Variants in EPHA6 observed in about 807,000 individuals in gnomAD.
The protein encoded by EPHA6 is ephrin type-A receptor 6.
A neutral mutation model predicts 112.0 loss-of-function variants in EPHA6; 50 were observed. The observed-to-expected ratio is 0.45, with a 90% confidence interval of 0.36 to 0.56. The LOEUF is 0.56. Ranked by LOEUF, EPHA6 falls within the 20% of genes least tolerant of loss-of-function variation. The pLI is 0.00. For missense variants in EPHA6, 1,280 were observed against 1,417.4 expected, an observed-to-expected ratio of 0.90 and a Z score of 1.56; for synonymous variants, 529 against 490.7, an observed-to-expected ratio of 1.08 and a Z score of -1.03.
chr3:97,509,178 C>T (rs1301337481), intron 10 of EPHA6, among the ~76,000 whole-genome samples: 1 of 151,250 alleles, frequency 6.6e-6, no homozygotes, highest in Admixed American at 6.6e-5. Context: ...GCATTTAGAC[C>T]ATTTACATTT....
rs935196971 is a variant in EPHA6, at chr3:97,129,856, G to A, written c.1115-96408G>A. On this transcript the variant is annotated intron_variant, in intron 3 of 17. Coordinates refer to ENST00000389672, the MANE Select transcript of EPHA6 (RefSeq NM_001080448.3). Reference sequence around the variant, plus strand: ...GTCAGGGTGATCAGACATTACCTGAGAGATAGTGAGAGATGAGGGATTTGG... The same window carrying A: ...GTCAGGGTGATCAGACATTACCTGAAAGATAGTGAGAGATGAGGGATTTGG... Among the ~76,000 whole-genome samples, 3 of 152,166 alleles carry A rather than the reference G, an allele frequency of 2.0e-5. No homozygotes were observed. In the East Asian group the frequency reaches 5.8e-4, roughly 29 times the overall value.
In EPHA6 at chr3:97,382,288, T is replaced by G. The variant is rs113709387; in HGVS notation, c.1607-22862T>G. 5.5e-3 allele frequency among the ~76,000 whole-genome samples: 838 copies of G among 152,158 alleles called. 11 individuals carry two copies. Among genetic ancestry groups the G allele is most frequent in the African/African-American group, 0.019 (807 of 41,566 alleles). ...ATTCTCTACTAAAAGAAAAGCCTCT[T>G]ATGGTCTTGTTTGACAGAGGATGAC... On this transcript the variant is annotated intron_variant, in intron 5 of 17. Coordinates refer to ENST00000389672, the MANE Select transcript of EPHA6 (RefSeq NM_001080448.3).
At position 97,012,652 on chromosome 3, in the gene EPHA6, G is replaced by T. The variant is rs565732013; in HGVS notation, c.1114+24659G>T. Among the ~76,000 whole-genome samples the T allele has an allele frequency of 4.5e-3, 641 of 142,436 alleles. 6 individuals carry two copies. The highest frequency in any genetic ancestry group is 0.016 in the African/African-American group (617 of 38,130). 93.4% of individuals were successfully genotyped at this position (142,436 alleles called of 152,430 possible). On this transcript the variant is annotated intron_variant, in intron 3 of 17. Coordinates refer to ENST00000389672, the MANE Select transcript of EPHA6 (RefSeq NM_001080448.3). ...TTTTTTTTTTTTTTAAAGAAACTGG[G>T]TTTTGTCTTGTTGCCCAGGCTTGTC...
At chr3:97,586,724 GGATA>G (rs762374344) in intron 11 of EPHA6, among the ~76,000 whole-genome samples, 2 of 117,178 alleles carry the variant, frequency 1.7e-5, no homozygotes, top group Non-Finnish European at 3.3e-5. Context: ...ATGGATGGAT[GGATA>G]GACAGACAGA....
At chr3:97,657,121 G>A (rs539390705) in intron 14 of EPHA6, among the ~76,000 whole-genome samples, 2 of 151,920 alleles carry the variant, frequency 1.3e-5, no homozygotes, top group East Asian at 3.9e-4. Flanking sequence ...TCTTTTAGTA[G>A]TCCAAATGTT....
Position 97,751,283 on chromosome 3 carries a change from C to A in EPHA6, c.*2582C>A, listed in dbSNP as rs2035894516. 6.6e-6 allele frequency among the ~76,000 whole-genome samples: 1 copy of A among 152,008 alleles called. No homozygotes were observed. The highest frequency in any genetic ancestry group is 6.5e-5 in the Admixed American group (1 of 15,270). ...CTTTCTTTTAAAATGTCTGATGATC[C>A]TATTCTACATCTGGTTAATTTGTAC... On this transcript the variant is annotated 3_prime_UTR_variant, in exon 18 of 18. Coordinates refer to ENST00000389672, the MANE Select transcript of EPHA6 (RefSeq NM_001080448.3).
intron 10 of EPHA6, among the ~76,000 whole-genome samples, chr3:97,501,466 T>C (rs2092114890): frequency 6.6e-6 from 1 of 152,000 alleles, no homozygotes; most frequent in Non-Finnish European, 1.5e-5. Flanking sequence ...ATAGAATACA[T>C]TTCTAAACAA....
intron 8 of EPHA6, 91 bp from the exon 9 acceptor site, chr3:97,479,202 AT>A (rs1247791739): frequency 3.7e-5 from 26 of 698,668 alleles, no homozygotes; most frequent in Non-Finnish European, 5.3e-5. Flanking sequence ...ATGACAAGAA[AT>A]TTGTTCATAG....
At chr3:97,494,392 T>A (rs914795011) in intron 10 of EPHA6, among the ~76,000 whole-genome samples, 1 of 152,208 alleles carries the variant, frequency 6.6e-6, no homozygotes, top group African/African-American at 2.4e-5. Flanking sequence ...TCCCTAAAAT[T>A]TGGAGTCATT....
intron 3 of EPHA6, among the ~76,000 whole-genome samples, chr3:97,195,670 G>C (rs2077421629): frequency 6.6e-6 from 1 of 151,992 alleles, no homozygotes; most frequent in Non-Finnish European, 1.5e-5. Context: ...TAGTAAGACA[G>C]GTCTGGTGTT....
chr3:97,184,625 C>T (rs1023105158), intron 3 of EPHA6, among the ~76,000 whole-genome samples: 1 of 152,040 alleles, frequency 6.6e-6, no homozygotes, highest in Non-Finnish European at 1.5e-5. Context: ...ATATCGTGAA[C>T]ATGGCCATAC....
chr3:97,491,984 A>T lies in EPHA6; in HGVS notation c.2200+7925A>T, dbSNP rs139894453. 6.2e-3 allele frequency among the ~76,000 whole-genome samples: 948 copies of T among 152,274 alleles called. 4 individuals carry two copies. The highest frequency in any genetic ancestry group is 0.014 in the Middle Eastern group (4 of 294). On this transcript the variant is annotated intron_variant, in intron 10 of 17. Transcript: ENST00000389672. ...AAAATAGATTTTACTGGTCAATGGGAACAGCAAAATTACATTGCAAAGTGG... is the reference window on the plus strand; with the variant it reads ...AAAATAGATTTTACTGGTCAATGGGTACAGCAAAATTACATTGCAAAGTGG...
chr3:96,874,909 G>A (rs1292773280), intron 2 of EPHA6, among the ~76,000 whole-genome samples: 1 of 151,974 alleles, frequency 6.6e-6, no homozygotes, highest in Non-Finnish European at 1.5e-5. Flanking sequence ...AGTTCTAGGA[G>A]AGCAGGAAAA....
intron 5 of EPHA6, among the ~76,000 whole-genome samples, chr3:97,305,730 A>C (rs2081291446): frequency 6.6e-6 from 1 of 151,790 alleles, no homozygotes; most frequent in Admixed American, 6.6e-5. Context: ...GGATGGGGGG[A>C]GCGAGAGCAT....
intron 10 of EPHA6, among the ~76,000 whole-genome samples, chr3:97,523,332 A>T (rs980774756): frequency 6.6e-6 from 1 of 152,146 alleles, no homozygotes; most frequent in East Asian, 1.9e-4. Flanking sequence ...ATATTTGTGA[A>T]TTTTCCAGAA....
At chr3:97,079,042 T>C (rs920729375) in intron 3 of EPHA6, among the ~76,000 whole-genome samples, 17 of 152,244 alleles carry the variant, frequency 1.1e-4, no homozygotes, top group African/African-American at 4.1e-4. Context: ...AATCATTCTA[T>C]TACAAAGACA....
intron 5 of EPHA6, among the ~76,000 whole-genome samples, chr3:97,352,368 C>T (rs2083856086): frequency 6.6e-6 from 1 of 152,116 alleles, no homozygotes; most frequent in Non-Finnish European, 1.5e-5. Context: ...CTGGTTTTAA[C>T]ATCACATCAA....
At chr3:97,554,700 C>T (rs2093077864) in intron 11 of EPHA6, among the ~76,000 whole-genome samples, 1 of 151,984 alleles carries the variant, frequency 6.6e-6, no homozygotes, top group Non-Finnish European at 1.5e-5. Flanking sequence ...AGGTAGAACA[C>T]TGCTTGCAGG....
chr3:97,106,357 A>G lies in EPHA6; in HGVS notation c.1114+118364A>G, dbSNP rs1457530331. 2.6e-5 allele frequency among the ~76,000 whole-genome samples: 4 copies of G among 151,656 alleles called. 1 individual carries two copies. The highest frequency in any genetic ancestry group is 5.9e-5 in the Non-Finnish European group (4 of 67,892). ...TTCCAAACCCTCAGAATTTCCCCCA[A>G]TCTCAATTCCAGGTTTACAAGCACA... is the stretch of plus-strand genomic sequence containing the variant. On this transcript the variant is annotated intron_variant, in intron 3 of 17. Transcript: ENST00000389672.
Sources: gnomAD v4.1 joint callset for allele counts (sites outside exome capture counted in the v4.1 genomes callset) on GRCh38, gnomAD v4.1.1 for gene constraint, MANE v1.5 for transcripts, NCBI Gene and HGNC (gene_info 2026-07-23, HGNC 2026-07-21) for gene names.